Variants in NCALD observed in about 807,000 individuals in gnomAD.
NCALD encodes the protein neurocalcin delta.
NCALD carries 10 observed loss-of-function variants against 18.6 expected under a neutral mutation model. That is an observed-to-expected ratio of 0.54 (90% confidence interval 0.33 to 0.91). The LOEUF (loss-of-function observed/expected upper bound fraction) is 0.91. Among genes scored for constraint, NCALD ranks in the 40% least tolerant of loss-of-function variants. The pLI is 0.03. For missense variants in NCALD, 184 were observed against 247.6 expected (o/e 0.74, Z 1.72); for synonymous variants, 88 against 87.4 (o/e 1.01, Z -0.04).
rs186090036 is a variant in NCALD, at chr8:101,751,889, C to T, written c.-19-32241G>A. On this transcript the variant is annotated intron_variant, in intron 1 of 3. Coordinates refer to ENST00000220931, the MANE Select transcript of NCALD (RefSeq NM_032041.3). The stretch of plus-strand genomic sequence containing the variant: ...CACATAATCCTGCTGTATTCTTCAG[C>T]ACATGGTTTATGACCACGAATATTA... Among the ~76,000 whole-genome samples the T allele has an allele frequency of 5.4e-3, 823 of 152,280 alleles. 28 individuals carry two copies. The highest frequency in any genetic ancestry group is 0.05 in the Admixed American group (762 of 15,296).
intron 4 of NCALD, among the ~76,000 whole-genome samples, chr8:101,870,897 A>ACC (rs59654249): frequency 8.8e-3 from 219 of 24,928 alleles, no homozygotes; most frequent in Middle Eastern, 0.042. Context: ...CACCGCCCCC[A>ACC]CCCCCCCCCC....
At chr8:102,033,465 A>G (rs1430989664) in intron 1 of NCALD, among the ~76,000 whole-genome samples, 2 of 152,208 alleles carry the variant, frequency 1.3e-5, no homozygotes, top group Non-Finnish European at 2.9e-5. Flanking sequence ...TATGCCTAAT[A>G]AGCTAGTCAC....
At chr8:101,884,386 A>C (rs1406189400) in intron 4 of NCALD, among the ~76,000 whole-genome samples, 1 of 152,148 alleles carries the variant, frequency 6.6e-6, no homozygotes, top group Non-Finnish European at 1.5e-5. Context: ...TATCCCTATT[A>C]ATATCCCTGC....
At chr8:101,964,084 G>A (rs188754533) in intron 2 of NCALD, among the ~76,000 whole-genome samples, 608 of 152,050 alleles carry the variant, frequency 4.0e-3, no homozygotes, top group Non-Finnish European at 6.3e-3. Flanking sequence ...CTTAAGCCAC[G>A]CATTTAAAAA....
At chr8:102,025,412 A>G (rs892747506) in intron 1 of NCALD, among the ~76,000 whole-genome samples, 1 of 152,214 alleles carries the variant, frequency 6.6e-6, no homozygotes, top group Non-Finnish European at 1.5e-5. Flanking sequence ...ATCACCCACA[A>G]TGAATACTCA....
intron 2 of NCALD, among the ~76,000 whole-genome samples, chr8:101,710,170 G>C (rs1221959521): frequency 6.6e-6 from 1 of 152,154 alleles, no homozygotes; most frequent in African/African-American, 2.4e-5. Flanking sequence ...GAAGTGCAAG[G>C]GGTTGGGGAA....
chr8:101,810,555 T>C (rs978001010), intron 4 of NCALD, among the ~76,000 whole-genome samples: 10 of 152,218 alleles, frequency 6.6e-5, no homozygotes, highest in Admixed American at 5.9e-4. Flanking sequence ...TATGAATTTA[T>C]ATTTATATTT....
intron 4 of NCALD, among the ~76,000 whole-genome samples, chr8:101,867,260 GT>G (rs1815811333): frequency 1.3e-5 from 2 of 151,988 alleles, no homozygotes; most frequent in African/African-American, 2.4e-5. Context: ...AATTTTCCTA[GT>G]TTTTTTCCCC....
rs140559068 is a variant in NCALD, at chr8:101,833,816, A to T, written c.-20+53325T>A. 6.8e-3 allele frequency among the ~76,000 whole-genome samples: 1,038 copies of T among 152,180 alleles called. 12 individuals are homozygous for T. Among genetic ancestry groups the T allele is most frequent in the Non-Finnish European group, 0.011 (778 of 68,010 alleles). ...TACAATTTGTAATTCTCAAAGAATGAGGATAATTGTTCCCCTTCTCTCAAC... is the reference window on the plus strand; with the variant it reads ...TACAATTTGTAATTCTCAAAGAATGTGGATAATTGTTCCCCTTCTCTCAAC... On this transcript the variant is annotated intron_variant, in intron 4 of 6. Coordinates refer to the NCALD transcript ENST00000311028.
At chr8:101,894,728 C>A (rs1261916271) in intron 3 of NCALD, among the ~76,000 whole-genome samples, 1 of 151,376 alleles carries the variant, frequency 6.6e-6, no homozygotes, top group African/African-American at 2.5e-5. Flanking sequence ...GAGAATACTA[C>A]AAACACCTCT....
chr8:101,696,362 A>G (rs1369727235), intron 2 of NCALD, among the ~76,000 whole-genome samples: 1 of 152,250 alleles, frequency 6.6e-6, no homozygotes, highest in African/African-American at 2.4e-5. Context: ...TAGAAAGAAG[A>G]GTGCATGGCT....
chr8:101,911,821 T>G (rs1177139342), intron 3 of NCALD, among the ~76,000 whole-genome samples: 1 of 152,206 alleles, frequency 6.6e-6, no homozygotes, highest in East Asian at 1.9e-4. Flanking sequence ...CTAAGAGGTT[T>G]GTAGTAACCT....
intron 1 of NCALD, among the ~76,000 whole-genome samples, chr8:102,123,147 T>C (rs555552957): frequency 1.3e-5 from 2 of 152,340 alleles, no homozygotes; most frequent in African/African-American, 4.8e-5. Flanking sequence ...ACTCTGCTCT[T>C]GGTAATACAG....
At chr8:101,970,055 G>A (rs1820181498) in intron 2 of NCALD, among the ~76,000 whole-genome samples, 1 of 151,936 alleles carries the variant, frequency 6.6e-6, no homozygotes, top group African/African-American at 2.4e-5. Flanking sequence ...AGAAGGAGAA[G>A]AAAGATGAGG....
intron 3 of NCALD, among the ~76,000 whole-genome samples, chr8:101,897,616 A>C (rs961119956): frequency 2.6e-5 from 4 of 152,180 alleles, no homozygotes; most frequent in African/African-American, 9.6e-5. Context: ...AGCTGCTAGG[A>C]ACAATTATGT....
intron 2 of NCALD, among the ~76,000 whole-genome samples, chr8:101,970,288 G>T (rs1028825097): frequency 1.3e-5 from 2 of 152,142 alleles, no homozygotes; most frequent in African/African-American, 4.8e-5. Flanking sequence ...CATTGCTTCT[G>T]CTGGTTTCTA....
intron 4 of NCALD, among the ~76,000 whole-genome samples, chr8:101,829,019 GCA>G (rs1814062376): frequency 6.6e-6 from 1 of 152,136 alleles, no homozygotes; most frequent in South Asian, 2.1e-4. Context: ...TTATAGGATT[GCA>G]GAGAGGAGGA....
rs71268528 is a variant in NCALD at position 101,768,723 on chromosome 8, C to CAA, written c.-20+22137_-20+22138dup. Among the ~76,000 whole-genome samples, 521 of 136,876 alleles carry CAA rather than the reference C, an allele frequency of 3.8e-3. 1 individual carries two copies. The highest frequency in any genetic ancestry group is 8.9e-3 in the South Asian group (39 of 4,382). 89.8% of individuals were successfully genotyped at this position (136,876 alleles called of 152,430 possible). A position where few individuals can be genotyped will look rare whatever the true frequency, so the allele number is the denominator to read the frequency against. On this transcript the variant is annotated intron_variant, in intron 1 of 3. Transcript: ENST00000220931. ...GACTCCATCTCAAAAAACAAAAAAA[C>CAA]AAAAAAAAAAAAAGAAAGAAAGCAA... is the stretch of plus-strand genomic sequence containing the variant.
intron 1 of NCALD, among the ~76,000 whole-genome samples, chr8:102,094,789 A>G (rs1464105334): frequency 2.6e-5 from 4 of 152,210 alleles, no homozygotes; most frequent in Non-Finnish European, 5.9e-5. Context: ...GGAAATCTGG[A>G]CCCAGACATA....
Sources: gnomAD v4.1 joint callset for allele counts (sites outside exome capture counted in the v4.1 genomes callset) on GRCh38, gnomAD v4.1.1 for gene constraint, MANE v1.5 for transcripts, NCBI Gene and HGNC (gene_info 2026-07-23, HGNC 2026-07-21) for gene names.